The following BDP1 variants were observed in gnomAD, a reference collection of about 807,000 sequenced individuals.
BDP1 encodes the protein BDP1 general transcription factor IIIB subunit.
A neutral mutation model predicts 266.6 loss-of-function variants in BDP1; 169 were observed. The observed-to-expected ratio is 0.63, with a 90% CI of 0.56 to 0.72. BDP1 has a LOEUF of 0.72. Ranked by LOEUF, BDP1 falls within the 30% of genes least tolerant of loss-of-function variation. The probability of loss-of-function intolerance (pLI) is 0.00; values close to 1 mark genes in which losing one functional copy is unlikely to be tolerated. For missense variants in BDP1, 3,015 were observed against 3,053.8 expected (o/e 0.99, Z 0.30); for synonymous variants, 1,090 against 1,022.4 (o/e 1.07, Z -1.26).
intron 19 of BDP1, 50 bp downstream of exon 19, chr5:71,513,457 T>A (rs1580116910): frequency 1.4e-5 from 14 of 976,278 alleles, no homozygotes; most frequent in South Asian, 3.4e-5. Context: ...TTTTTTTTTT[T>A]AAGTTATTAG....
rs1429440450 is a variant in BDP1 at position 71,532,404 on chromosome 5, G to A, written c.5869G>A (p.Glu1957Lys). 1 of 1,613,536 alleles carries A rather than the reference G, an allele frequency of 6.2e-7. No individual in the cohort carries two copies. The highest frequency in any genetic ancestry group is 8.5e-7 in the Non-Finnish European group (1 of 1,179,690). Residue 1957 changes from glutamate (E) to lysine (K), a missense_variant, in exon 26 of 39, where the codon GAA becomes AAA. By Grantham distance (56) the Glu-to-Lys change is moderately conservative. This residue lies in a region of BDP1 where 2,383 missense variants were observed against 2,404.9 expected (regional missense o/e 0.99). Transcript: ENST00000358731. ...TGTGACTACTGAAGAAATGAAACAA[G>A]AAGAAAATTTGAGTGTACCGTTTGT... is the stretch of plus-strand genomic sequence containing the variant. Reference protein sequence around the residue: ...TDVTTEEMKQEENLSVPFEMT... With the variant: ...TDVTTEEMKQKENLSVPFEMT...
Position 71,545,030 on chromosome 5 carries a change from CTCTT to C in BDP1, c.6564-6_6564-3del, listed in dbSNP as rs771423940. On this transcript the variant is annotated splice_region_variant and splice_polypyrimidine_tract_variant and intron_variant, in intron 31 of 38. Coordinates refer to ENST00000358731, the MANE Select transcript of BDP1 (RefSeq NM_018429.3). ...TTTCAAATGACATGCATGCTAAACT[CTCTT>C]TCAGAAACGAAAATCAAGAAGAGAG... is the stretch of plus-strand genomic sequence containing the variant. 6.8e-6 allele frequency: 11 copies of C among 1,612,286 alleles called. No individual in the cohort carries two copies. Among genetic ancestry groups the C allele is most frequent in the Non-Finnish European group, 9.3e-6 (11 of 1,179,602 alleles).
chr5:71,557,046 TA>T, intron 36 of BDP1, 121 bp downstream of exon 36: 1 of 498,898 alleles, frequency 2.0e-6, no homozygotes, highest in Non-Finnish European at 3.4e-6. Flanking sequence ...GTAATACTTG[TA>T]TTATCAGCAC....
chr5:71,565,525 A>G lies in BDP1; in HGVS notation c.*640A>G, dbSNP rs1427328282. The G allele has an allele frequency of 3.3e-5, 5 of 152,524 alleles. No homozygotes were observed. Among genetic ancestry groups the G allele is most frequent in the Non-Finnish European group, 5.9e-5 (4 of 68,282 alleles). The allele number at this position is 152,524 out of a possible 1,614,324, so 9.4% of individuals were successfully genotyped here. On this transcript the variant is annotated 3_prime_UTR_variant, in exon 39 of 39. Transcript: ENST00000358731. ...ATACACAAATACTTACTATTGTGTT[A>G]CAACTGCCTACAGTATTCAGCATAG...
rs567686371 is a variant in BDP1, at chr5:71,461,335, C to G, written c.490-482C>G. On this transcript the variant is annotated intron_variant, in intron 2 of 38. Coordinates refer to ENST00000358731, the MANE Select transcript of BDP1 (RefSeq NM_018429.3). ...TTAATTGTTAAAATCTAAATACTGC[C>G]TGGGTGTGTGGTTCACTCCAGTGCT... Among the ~76,000 whole-genome samples, 10 of 151,980 alleles carry G rather than the reference C, an allele frequency of 6.6e-5. No individual in the cohort carries two copies. In the East Asian group the frequency reaches 1.9e-3, roughly 29 times the overall value.
rs189785655 is a variant in BDP1 at position 71,518,343 on chromosome 5, G to A, written c.4991+891G>A. ...CTTTGGCTTTCTGGGAAATGCAGAG[G>A]AGATGTTATTGTATCCTTTTTTAAC... is the stretch of plus-strand genomic sequence containing the variant. On this transcript the variant is annotated intron_variant, in intron 22 of 38. Coordinates refer to ENST00000358731, the MANE Select transcript of BDP1 (RefSeq NM_018429.3). Among the ~76,000 whole-genome samples, 7 of 152,312 alleles carry A rather than the reference G, an allele frequency of 4.6e-5. No homozygotes were observed. In the East Asian group the frequency reaches 1.3e-3, roughly 29 times the overall value.
At chr5:71,467,287 T>C in intron 5 of BDP1, 67 bp from the exon 6 acceptor site, 1 of 1,300,272 alleles carries the variant, frequency 7.7e-7, no homozygotes, top group Non-Finnish European at 1.1e-6. Context: ...TATAACTATT[T>C]ACATCTCATT....
At chr5:71,470,368 A>T in intron 6 of BDP1, 27 bp from the exon 7 acceptor site, 2 of 1,437,200 alleles carry the variant, frequency 1.4e-6, no homozygotes, top group Non-Finnish European at 9.7e-7. Flanking sequence ...TTAATTTTCA[A>T]TCATTCTAAA....
chr5:71,512,206 T>C, intron 17 of BDP1, 35 bp from the exon 18 acceptor site: 1 of 1,143,342 alleles, frequency 8.7e-7, no homozygotes, highest in Middle Eastern at 2.6e-4. Context: ...AAATACTCTT[T>C]TATTTGTGCT....
chr5:71,547,519 G>A (rs1385812447), intron 32 of BDP1, among the ~76,000 whole-genome samples: 1 of 152,096 alleles, frequency 6.6e-6, no homozygotes, highest in African/African-American at 2.4e-5. Context: ...TCATTATAAT[G>A]GCATCTTTTC....
intron 34 of BDP1, among the ~76,000 whole-genome samples, chr5:71,552,824 G>A (rs1742947387): frequency 6.6e-6 from 1 of 152,126 alleles, no homozygotes; most frequent in Non-Finnish European, 1.5e-5. Flanking sequence ...GAGAGGGAGA[G>A]GGAGACCATG....
intron 10 of BDP1, among the ~76,000 whole-genome samples, chr5:71,490,390 A>G (rs868099316): frequency 7.9e-5 from 12 of 152,122 alleles, no homozygotes; most frequent in Admixed American, 3.9e-4. Context: ...TATTGGAGTC[A>G]TTACGTATAA....
At chr5:71,554,365 A>G (rs1269355581) in intron 35 of BDP1, among the ~76,000 whole-genome samples, 2 of 152,104 alleles carry the variant, frequency 1.3e-5, no homozygotes, top group African/African-American at 4.8e-5. Context: ...TGTGGTAATG[A>G]GTTGCAAATC....
downstream of BDP1, among the ~76,000 whole-genome samples, chr5:71,572,456 G>A (rs113748345): frequency 7.2e-5 from 11 of 152,084 alleles, no homozygotes; most frequent in South Asian, 2.1e-3. Context: ...AATTGACAAG[G>A]CGAATGGGGA....
chr5:71,560,569 A>C lies in BDP1; in HGVS notation c.7496+332A>C, dbSNP rs1007837377. On this transcript the variant is annotated intron_variant, in intron 37 of 38. Transcript: ENST00000358731. ...AATGCACATATGTATGGATGCTGACATCAGAAGTTGTTTTACTGAAGTCCC... is the reference window on the plus strand; with the variant it reads ...AATGCACATATGTATGGATGCTGACCTCAGAAGTTGTTTTACTGAAGTCCC... 2.6e-5 allele frequency among the ~76,000 whole-genome samples: 4 copies of C among 152,340 alleles called. 1 individual carries two copies. The South Asian group carries it at 8.3e-4, about 32-fold the overall frequency.
rs1212872497 is a variant in BDP1, at chr5:71,504,641, TC to T, written c.2263del (p.Gln755AsnfsTer36). 2.5e-6 allele frequency: 4 copies of T among 1,613,384 alleles called. No homozygotes were observed. Among genetic ancestry groups the T allele is most frequent in the Admixed American group, 1.7e-5 (1 of 59,918 alleles). ...DRDTPQHMEDQSRKDFEEEDV... is the reference protein window; with the variant it reads ...DRDTPQHMEDXSRKDFEEEDV... ...TTAAGACTCCTCAACACATGGAAGA[TC>T]AATCGCGTAAAGATTTTGAAGAGGA... On this transcript the variant is annotated frameshift_variant, in exon 16 of 39. Transcript: ENST00000358731. LOFTEE classifies it high-confidence loss of function.
intron 7 of BDP1, among the ~76,000 whole-genome samples, chr5:71,480,056 T>C (rs553510577): frequency 2.0e-4 from 30 of 151,934 alleles, no homozygotes; most frequent in Non-Finnish European, 3.7e-4. Context: ...TCGATTCTCC[T>C]TCCTCAGCCT....
chr5:71,515,639 T>C (rs1248094042), intron 20 of BDP1, among the ~76,000 whole-genome samples: 1 of 152,204 alleles, frequency 6.6e-6, no homozygotes, highest in East Asian at 1.9e-4. Flanking sequence ...AGTATACACA[T>C]AAGATAAAAT....
rs759516190 is a variant in BDP1 at position 71,509,640 on chromosome 5, A to C, written c.2548A>C (p.Thr850Pro). Residue 850 changes from threonine (T) to proline (P), a missense_variant, in exon 17 of 39, where the codon ACT (threonine) becomes CCT (proline). Coordinates refer to ENST00000358731, the MANE Select transcript of BDP1 (RefSeq NM_018429.3). ...SGEMAAALRE[T>P]VRLDTSPKEM... ...GGAAATGGCGGCAGCATTGAGAGAAACTGTAAGACTAGACACCTCACCAAA... is the reference window on the plus strand; with the variant it reads ...GGAAATGGCGGCAGCATTGAGAGAACCTGTAAGACTAGACACCTCACCAAA... 2 of 1,612,996 alleles carry C rather than the reference A, an allele frequency of 1.2e-6. No individual in the cohort carries two copies. Among genetic ancestry groups the C allele is most frequent in the East Asian group, 2.2e-5 (1 of 44,858 alleles).
Sources: gnomAD v4.1 joint callset for allele counts (sites outside exome capture counted in the v4.1 genomes callset) on GRCh38, gnomAD v4.1.1 for gene constraint, gnomAD v4.1.1 regional missense constraint, MANE v1.5 for transcripts, NCBI Gene and HGNC (gene_info 2026-07-23, HGNC 2026-07-21) for gene names.